The following SRGAP3 variants were observed in gnomAD, a reference collection of about 807,000 sequenced individuals.
The protein encoded by SRGAP3 is SLIT-ROBO Rho GTPase activating protein 3, also known as SLIT-ROBO Rho GTPase-activating protein 3.
A neutral mutation model predicts 121.1 loss-of-function variants in SRGAP3; 39 were observed. That is an observed-to-expected ratio of 0.32 (90% confidence interval 0.25 to 0.42). The LOEUF (loss-of-function observed/expected upper bound fraction) is 0.42, where lower values mean the gene tolerates loss of function less well. Among genes scored for constraint, SRGAP3 ranks in the 10% least tolerant of loss-of-function variants. SRGAP3 has a pLI of 1.00. For synonymous variants in SRGAP3, 601 were observed against 570.0 expected, an observed-to-expected ratio of 1.05 and a Z score of -0.77; for missense variants, 1,213 against 1,470.6, an observed-to-expected ratio of 0.82 and a Z score of 2.86.
intron 3 of SRGAP3, among the ~76,000 whole-genome samples, chr3:9,275,516 G>A (rs924921855): frequency 6.6e-6 from 1 of 152,152 alleles, no homozygotes; most frequent in Admixed American, 6.5e-5. Context: ...ACCTTGAATT[G>A]TAGCTCCCAT....
intron 3 of SRGAP3, among the ~76,000 whole-genome samples, chr3:9,320,151 T>A (rs1388335706): frequency 1.3e-5 from 2 of 151,954 alleles, no homozygotes; most frequent in Non-Finnish European, 2.9e-5. Flanking sequence ...GACATGGCCC[T>A]CTGGGCTTGT....
At chr3:9,011,622 G>T (rs1411828953) in intron 17 of SRGAP3, among the ~76,000 whole-genome samples, 1 of 152,160 alleles carries the variant, frequency 6.6e-6, no homozygotes, top group Non-Finnish European at 1.5e-5. Flanking sequence ...CCCTAGATCG[G>T]CTCAGGGAGC....
intron 1 of SRGAP3, among the ~76,000 whole-genome samples, chr3:9,211,665 CTTTTTTTTTTTT>C (rs1193329370): frequency 8.3e-6 from 1 of 121,148 alleles, no homozygotes; most frequent in Non-Finnish European, 1.7e-5. Context: ...TCTTTCTTTT[CTTTTTTTTTTTT>C]TTTTTTTTGA....
chr3:9,254,093 A>G (rs1295778300), upstream of SRGAP3, among the ~76,000 whole-genome samples: 4 of 152,210 alleles, frequency 2.6e-5, no homozygotes, highest in Non-Finnish European at 5.9e-5. Flanking sequence ...TGCAACACCT[A>G]TCATAGGCCA....
intron 1 of SRGAP3, among the ~76,000 whole-genome samples, chr3:9,157,874 T>C (rs1950471528): frequency 6.6e-6 from 1 of 152,224 alleles, no homozygotes; most frequent in Admixed American, 6.5e-5. Flanking sequence ...GAAGTAATCC[T>C]ACAGGAAAAG....
At chr3:9,185,619 T>A (rs1279341767) in intron 1 of SRGAP3, among the ~76,000 whole-genome samples, 2 of 151,384 alleles carry the variant, frequency 1.3e-5, no homozygotes, top group African/African-American at 4.9e-5. Context: ...GCAGCCTCAA[T>A]CTCCCAGACT....
At chr3:9,021,154 C>T (rs1207301701) in intron 14 of SRGAP3, among the ~76,000 whole-genome samples, 1 of 152,240 alleles carries the variant, frequency 6.6e-6, no homozygotes, top group Non-Finnish European at 1.5e-5. Context: ...GGACACAGGT[C>T]TCAGAAGGGG....
intron 18 of SRGAP3, among the ~76,000 whole-genome samples, chr3:8,996,703 C>T (rs546130089): frequency 2.6e-5 from 4 of 152,312 alleles, no homozygotes; most frequent in South Asian, 4.2e-4. Flanking sequence ...CACATCCGGC[C>T]GTGTGCTGGA....
chr3:9,130,167 C>T (rs564215758), intron 1 of SRGAP3, among the ~76,000 whole-genome samples: 13 of 152,228 alleles, frequency 8.5e-5, no homozygotes, highest in Admixed American at 4.6e-4. Context: ...CACACATTCA[C>T]GCCACAAATA....
chr3:9,064,325 G>C, intron 5 of SRGAP3, 71 bp downstream of exon 5: 1 of 1,603,004 alleles, frequency 6.2e-7, no homozygotes, highest in Non-Finnish European at 8.5e-7. Flanking sequence ...GGCTAAGGCT[G>C]TCCGCCAAGA....
At chr3:9,189,664 A>G (rs1222743729) in intron 1 of SRGAP3, among the ~76,000 whole-genome samples, 2 of 152,206 alleles carry the variant, frequency 1.3e-5, no homozygotes, top group Non-Finnish European at 2.9e-5. Context: ...GGCTATATTC[A>G]GAATAGTCTG....
intron 17 of SRGAP3, among the ~76,000 whole-genome samples, chr3:9,011,074 A>G (rs1422856022): frequency 6.6e-6 from 1 of 152,108 alleles, no homozygotes; most frequent in African/African-American, 2.4e-5. Context: ...AGTGAGTTCT[A>G]ATATGCCAGG....
chr3:9,339,068 T>C (rs1290331242), intron 1 of SRGAP3, among the ~76,000 whole-genome samples: 1 of 152,228 alleles, frequency 6.6e-6, no homozygotes, highest in Non-Finnish European at 1.5e-5. Context: ...ACCCATGGTC[T>C]TTTCCCTTCT....
In SRGAP3 at chr3:9,017,153, G is replaced by A. The variant is rs619420; in HGVS notation, c.1679-1422C>T. Among the ~76,000 whole-genome samples, 1,178 of 152,274 alleles carry A rather than the reference G, an allele frequency of 7.7e-3. 10 individuals carry two copies. Among genetic ancestry groups the A allele is most frequent in the Middle Eastern group, 0.031 (9 of 294 alleles). On this transcript the variant is annotated intron_variant, in intron 14 of 21. Coordinates refer to ENST00000383836, the MANE Select transcript of SRGAP3 (RefSeq NM_014850.4). Reference sequence around the variant, plus strand: ...ATGGTGTCTCATATCGAGACACCAAGATCTAGGTATTAGGTGTGCTCATTG... The same window carrying A: ...ATGGTGTCTCATATCGAGACACCAAAATCTAGGTATTAGGTGTGCTCATTG...
At position 9,080,062 on chromosome 3, in the gene SRGAP3, T is replaced by A; in HGVS notation, c.449A>T (p.His150Leu). The A allele has an allele frequency of 6.2e-7, 1 of 1,613,998 alleles. No individual in the cohort carries two copies. The highest frequency in any genetic ancestry group is 8.5e-7 in the Non-Finnish European group (1 of 1,179,964). Residue 150 changes from histidine (H) to leucine (L), a missense_variant, in exon 4 of 22, where the codon CAC becomes CTC. Physicochemically the swap from His to Leu is moderately conservative, Grantham distance 99. Coordinates refer to ENST00000383836, the MANE Select transcript of SRGAP3 (RefSeq NM_014850.4). ...KKSKEIGLQM[H>L]EELLKVTNEL... ...ATTGGTCACCTTCAGGAGCTCCTCG[T>A]GCATCTGCAGGCCAATCTCCTTGCT...
At chr3:9,193,829 C>T (rs1951837390) in intron 1 of SRGAP3, 1 of 152,318 alleles carries the variant, frequency 6.6e-6, no homozygotes, top group South Asian at 2.1e-4. Context: ...TGTCACCAAG[C>T]CTAAGGGCAA....
intron 3 of SRGAP3, among the ~76,000 whole-genome samples, chr3:9,313,517 C>T (rs1442073699): frequency 1.3e-5 from 2 of 151,464 alleles, no homozygotes; most frequent in Admixed American, 1.3e-4. Context: ...AGCGAAACTC[C>T]ATCTCTACTA....
intron 1 of SRGAP3, among the ~76,000 whole-genome samples, chr3:9,222,561 C>T (rs78364875): frequency 0.012 from 1,777 of 152,316 alleles, 15 homozygotes; most frequent in African/African-American, 0.027. Flanking sequence ...AACTCCTGCA[C>T]GTTGCTGATT....
intron 1 of SRGAP3, among the ~76,000 whole-genome samples, chr3:9,182,799 A>G (rs1951462627): frequency 6.6e-6 from 1 of 151,898 alleles, no homozygotes; most frequent in Admixed American, 6.6e-5. Context: ...GACTACAGCC[A>G]TGTGCCACCA....
Sources: gnomAD v4.1 joint callset for allele counts (sites outside exome capture counted in the v4.1 genomes callset) on GRCh38, gnomAD v4.1.1 for gene constraint, MANE v1.5 for transcripts, NCBI Gene and HGNC (gene_info 2026-07-23, HGNC 2026-07-21) for gene names.